The following EVA1C variants were observed in gnomAD, a reference collection of about 807,000 sequenced individuals.
EVA1C encodes the protein eva-1 homolog C.
EVA1C carries 25 observed loss-of-function variants against 45.4 expected under a neutral mutation model. That is an observed-to-expected ratio of 0.55 (90% CI 0.40 to 0.77). The LOEUF (loss-of-function observed/expected upper bound fraction) is 0.77, where lower values mean the gene tolerates loss of function less well. Ranked by LOEUF, EVA1C falls within the 30% of genes least tolerant of loss-of-function variation. EVA1C has a pLI of 0.00. For missense variants in EVA1C, 479 were observed against 554.8 expected (o/e 0.86, Z 1.37); for synonymous variants, 190 against 221.2 (o/e 0.86, Z 1.25).
chr21:32,421,766 G>T (rs913381685), intron 1 of EVA1C, among the ~76,000 whole-genome samples: 2 of 152,192 alleles, frequency 1.3e-5, no homozygotes, highest in Non-Finnish European at 2.9e-5. Flanking sequence ...ATCTAGGTCT[G>T]GGCATGGTGG....
At chr21:32,497,243 G>A (rs1022238156) in intron 5 of EVA1C, 1 of 780,958 alleles carries the variant, frequency 1.3e-6, no homozygotes, top group Admixed American at 1.8e-5. Flanking sequence ...TTTGGCAAAT[G>A]TTTTAGAAGC....
At chr21:32,453,554 C>T (rs375144628) in intron 2 of EVA1C, 46 bp downstream of exon 2, 7 of 1,300,412 alleles carry the variant, frequency 5.4e-6, no homozygotes, top group Non-Finnish European at 7.7e-6. Context: ...TTTCAACACA[C>T]ACTCTTTCTC....
intron 4 of EVA1C, among the ~76,000 whole-genome samples, chr21:32,491,776 C>T (rs1157245290): frequency 6.6e-6 from 1 of 150,506 alleles, no homozygotes. Context: ...AGTTACTAGA[C>T]TTGCTGCAAA....
At chr21:32,437,178 A>ACAAAACAAAACAAAAC (rs2034989153) in intron 1 of EVA1C, among the ~76,000 whole-genome samples, 1 of 152,156 alleles carries the variant, frequency 6.6e-6, no homozygotes. Context: ...ACAAAACAAA[A>ACAAAACAAAACAAAAC]CAAACATAGA....
At chr21:32,421,612 C>A (rs775903459) in intron 1 of EVA1C, among the ~76,000 whole-genome samples, 16 of 152,180 alleles carry the variant, frequency 1.1e-4, no homozygotes, top group Non-Finnish European at 8.8e-5. Flanking sequence ...ACAGATACTG[C>A]CTTCATGGGA....
chr21:32,437,592 A>T (rs1399286617), intron 1 of EVA1C, among the ~76,000 whole-genome samples: 1 of 152,146 alleles, frequency 6.6e-6, no homozygotes, highest in African/African-American at 2.4e-5. Context: ...AAACCCTGCA[A>T]TCGAGCTCTG....
intron 7 of EVA1C, among the ~76,000 whole-genome samples, chr21:32,507,951 G>T (rs112677681): frequency 0.017 from 810 of 46,830 alleles, 8 homozygotes; most frequent in African/African-American, 0.15. Context: ...ATGTGTGTTT[G>T]TGTGTGTGTG....
chr21:32,493,828 C>G (rs1328143138), intron 4 of EVA1C: 1 of 151,266 alleles, frequency 6.6e-6, no homozygotes, highest in Non-Finnish European at 1.5e-5. Context: ...GAGACGCAGT[C>G]TTGCTTGGTC....
intron 4 of EVA1C, among the ~76,000 whole-genome samples, chr21:32,469,678 G>A (rs1406208658): frequency 6.6e-6 from 1 of 152,180 alleles, no homozygotes; most frequent in African/African-American, 2.4e-5. Flanking sequence ...TGGAGACCCA[G>A]GAAAGAGTTG....
At chr21:32,468,053 A>T in intron 4 of EVA1C, 1 of 265,944 alleles carries the variant, frequency 3.8e-6, no homozygotes. Flanking sequence ...TGTAAACAGT[A>T]ATCTGCCAAA....
At chr21:32,514,521 A>G (rs1449789105) in intron 7 of EVA1C, among the ~76,000 whole-genome samples, 1 of 152,226 alleles carries the variant, frequency 6.6e-6, no homozygotes, top group East Asian at 1.9e-4. Context: ...AAAGTCACAC[A>G]GCTACTGAGT....
chr21:32,489,815 C>CGTA, intron 4 of EVA1C, among the ~76,000 whole-genome samples: 1 of 147,772 alleles, frequency 6.8e-6, no homozygotes, highest in East Asian at 2.0e-4. Context: ...GATCTTTCAC[C>CGTA]TCTTTGGTTA....
At chr21:32,418,538 T>C (rs2034140771) in intron 1 of EVA1C, among the ~76,000 whole-genome samples, 1 of 152,212 alleles carries the variant, frequency 6.6e-6, no homozygotes, top group Non-Finnish European at 1.5e-5. Context: ...CTCAGTTTTA[T>C]CTGATTTCAT....
At chr21:32,436,044 TTTTG>T (rs887191693) in intron 1 of EVA1C, among the ~76,000 whole-genome samples, 23 of 152,004 alleles carry the variant, frequency 1.5e-4, no homozygotes, top group East Asian at 9.8e-4. Context: ...TTCAGCTGTT[TTTTG>T]TTTGTTTGTT....
At chr21:32,500,869 TG>T (rs1406228074) in intron 5 of EVA1C, among the ~76,000 whole-genome samples, 2 of 152,102 alleles carry the variant, frequency 1.3e-5, no homozygotes, top group Non-Finnish European at 2.9e-5. Context: ...TGGAATGCAG[TG>T]GTGCGCTCTT....
At chr21:32,448,940 A>G (rs201627028) in intron 1 of EVA1C, among the ~76,000 whole-genome samples, 1 of 47,704 alleles carries the variant, frequency 2.1e-5, no homozygotes, top group Admixed American at 2.4e-4. Context: ...AAGAGAGAGA[A>G]AGAGAGAAAG....
intron 7 of EVA1C, among the ~76,000 whole-genome samples, chr21:32,507,655 C>G (rs1397184364): frequency 1.5e-5 from 2 of 137,416 alleles, no homozygotes; most frequent in South Asian, 2.4e-4. Context: ...TGCAGGTGTG[C>G]CTGTGTGTGC....
intron 1 of EVA1C, among the ~76,000 whole-genome samples, chr21:32,420,462 G>C (rs2034225499): frequency 6.6e-6 from 1 of 152,232 alleles, no homozygotes; most frequent in Non-Finnish European, 1.5e-5. Context: ...ACGGCTCACT[G>C]CAGCCTCAAC....
upstream of EVA1C, chr21:32,412,699 C>T: frequency 1.4e-6 from 1 of 698,810 alleles, no homozygotes; most frequent in Non-Finnish European, 2.1e-6. Context: ...GGCTGGCCCG[C>T]GCAGGGGAGG....
Sources: allele counts gnomAD v4.1 joint callset (sites outside exome capture counted in the v4.1 genomes callset), GRCh38; gene constraint gnomAD v4.1.1; transcripts MANE v1.5; gene names NCBI Gene and HGNC (gene_info 2026-07-23, HGNC 2026-07-21).